OR4K13: variants seen among roughly 807,000 people sequenced by gnomAD.
OR4K13 encodes olfactory receptor 4K13.
For missense variants in OR4K13, 403 were observed against 366.0 expected, an observed-to-expected ratio of 1.10 and a Z score of -0.82; for synonymous variants, 160 against 134.8, an observed-to-expected ratio of 1.19 and a Z score of -1.30.
rs1825339587 is a variant in OR4K13 at position 20,033,688 on chromosome 14, G to T, written c.*156C>A. 1 of 538,478 alleles carries T rather than the reference G, an allele frequency of 1.9e-6. No individual in the cohort carries two copies. Among genetic ancestry groups the T allele is most frequent in the Admixed American group, 3.4e-5 (1 of 29,220 alleles). 33.4% of individuals were successfully genotyped at this position (538,478 alleles called of 1,614,324 possible). Reference sequence around the variant, plus strand: ...GTTAGCTGGTACACAAGTTATAGTGGTTTTTGCCATTACTTTAATTTTGTC... The same window carrying T: ...GTTAGCTGGTACACAAGTTATAGTGTTTTTTGCCATTACTTTAATTTTGTC... On this transcript the variant is annotated 3_prime_UTR_variant, in exon 2 of 2. Coordinates refer to ENST00000641904, the MANE Select transcript of OR4K13 (RefSeq NM_001004714.2).
rs781630955 is a variant in OR4K13 at position 20,033,044 on chromosome 14, G to C, written c.*800C>G. 6.6e-6 allele frequency: 1 copy of C among 152,174 alleles called. No homozygotes were observed. The highest frequency in any genetic ancestry group is 2.4e-5 in the African/African-American group (1 of 41,432). 9.4% of individuals were successfully genotyped at this position (152,174 alleles called of 1,614,324 possible). A position where few individuals can be genotyped will look rare whatever the true frequency, so the allele number is the denominator to read the frequency against. On this transcript the variant is annotated 3_prime_UTR_variant, in exon 2 of 2. Coordinates refer to ENST00000641904, the MANE Select transcript of OR4K13 (RefSeq NM_001004714.2). The stretch of plus-strand genomic sequence containing the variant: ...AGTGGAAACCTTCCTGCCCTGCCCT[G>C]ATTGAGATGCCATTCCTGCACTCTC...
Position 20,034,754 on chromosome 14 carries a change from T to C in OR4K13, c.5A>G (p.Glu2Gly). Residue 2 changes from glutamate (E) to glycine (G), a missense_variant, in exon 2 of 2, where the codon GAA becomes GGA. By Grantham distance (98) the Glu-to-Gly change is moderately conservative (BLOSUM62 -2). Coordinates refer to ENST00000641904, the MANE Select transcript of OR4K13 (RefSeq NM_001004714.2). ...CGATACCACTGAATGGTTTGCTCTT[T>C]CCATATCGTCAACTTTATCCCATAA... Reference protein sequence around the residue: MERANHSVVSEF... With the variant: MGRANHSVVSEF... 3.7e-6 allele frequency: 6 copies of C among 1,600,536 alleles called. No homozygotes were observed. Among genetic ancestry groups the C allele is most frequent in the Non-Finnish European group, 5.1e-6 (6 of 1,174,388 alleles).
rs374002326 is a variant in OR4K13 at position 20,030,237 on chromosome 14, A to G, written c.*3607T>C. The G allele has an allele frequency of 2.0e-5, 3 of 152,140 alleles. No homozygotes were observed. The East Asian group carries it at 5.8e-4, about 29-fold the overall frequency. The allele number at this position is 152,140 out of a possible 1,614,324, so 9.4% of individuals were successfully genotyped here. A position where few individuals can be genotyped will look rare whatever the true frequency, so the allele number is the denominator to read the frequency against. On this transcript the variant is annotated 3_prime_UTR_variant, in exon 2 of 2. Coordinates refer to ENST00000641904, the MANE Select transcript of OR4K13 (RefSeq NM_001004714.2). Reference sequence around the variant, plus strand: ...ATTATATAACTATGGGCATTTGTCAACAATCCAGCCAATTACCCTGAATTG... The same window carrying G: ...ATTATATAACTATGGGCATTTGTCAGCAATCCAGCCAATTACCCTGAATTG...
Position 20,034,956 on chromosome 14 carries a change from G to C in OR4K13, c.-198C>G. ...ATGGCCCAGAGAAGTATCCCAAATA[G>C]TCAGTAGAATTCAGAATATAAGTTT... On this transcript the variant is annotated 5_prime_UTR_variant, in exon 2 of 2. Coordinates refer to ENST00000641904, the MANE Select transcript of OR4K13 (RefSeq NM_001004714.2). 1 of 550,214 alleles carries C rather than the reference G, an allele frequency of 1.8e-6. No individual in the cohort carries two copies. Among genetic ancestry groups the C allele is most frequent in the Non-Finnish European group, 3.2e-6 (1 of 311,834 alleles). 34.1% of individuals were successfully genotyped at this position (550,214 alleles called of 1,614,324 possible).
Position 20,034,113 on chromosome 14 carries a change from C to A in OR4K13, c.646G>T (p.Val216Phe). Residue 216 changes from valine (V) to phenylalanine (F), a missense_variant, in exon 2 of 2, where the codon GTC becomes TTC. Coordinates refer to ENST00000641904, the MANE Select transcript of OR4K13 (RefSeq NM_001004714.2). Reference sequence around the variant, plus strand: ...GAGAATATTATGACTCCATAGGAGACAAGCAAGAGGAGGAAGCAGACCAGT... The same window carrying A: ...GAGAATATTATGACTCCATAGGAGAAAAGCAAGAGGAGGAAGCAGACCAGT... ...LSLVCFLLLL[V>F]SYGVIIFSVR... The A allele has an allele frequency of 2.5e-6, 4 of 1,614,050 alleles. No homozygotes were observed. The highest frequency in any genetic ancestry group is 3.4e-6 in the Non-Finnish European group (4 of 1,180,000).
Position 20,029,641 on chromosome 14 carries a change from C to T in OR4K13, c.*4203G>A, listed in dbSNP as rs1442808765. 2 of 151,998 alleles carry T rather than the reference C, an allele frequency of 1.3e-5. No homozygotes were observed. Among genetic ancestry groups the T allele is most frequent in the East Asian group, 3.9e-4 (2 of 5,182 alleles). The allele number at this position is 151,998 out of a possible 1,614,324, so 9.4% of individuals were successfully genotyped here. On this transcript the variant is annotated 3_prime_UTR_variant, in exon 2 of 2. Transcript: ENST00000641904. Reference sequence around the variant, plus strand: ...GGTAGATATTAAAATGTAATATAGGCCAGGCACAGTGGCTCACAGTGCCTG... The same window carrying T: ...GGTAGATATTAAAATGTAATATAGGTCAGGCACAGTGGCTCACAGTGCCTG...
At position 20,034,947 on chromosome 14, in the gene OR4K13, T is replaced by A; in HGVS notation, c.-189A>T. On this transcript the variant is annotated 5_prime_UTR_variant, in exon 2 of 2. Coordinates refer to ENST00000641904, the MANE Select transcript of OR4K13 (RefSeq NM_001004714.2). ...ATTTTACTAATGGCCCAGAGAAGTATCCCAAATAGTCAGTAGAATTCAGAA... is the reference window on the plus strand; with the variant it reads ...ATTTTACTAATGGCCCAGAGAAGTAACCCAAATAGTCAGTAGAATTCAGAA... 1 of 564,482 alleles carries A rather than the reference T, an allele frequency of 1.8e-6. No individual in the cohort carries two copies. The highest frequency in any genetic ancestry group is 3.3e-5 in the Admixed American group (1 of 30,314). The allele number at this position is 564,482 out of a possible 1,614,324, so 35.0% of individuals were successfully genotyped here.
Position 20,034,899 on chromosome 14 carries a change from T to G in OR4K13, c.-141A>C, listed in dbSNP as rs1237897600. 1 of 665,472 alleles carries G rather than the reference T, an allele frequency of 1.5e-6. No individual in the cohort carries two copies. The highest frequency in any genetic ancestry group is 3.1e-5 in the Admixed American group (1 of 32,626). The allele number at this position is 665,472 out of a possible 1,614,324, so 41.2% of individuals were successfully genotyped here. On this transcript the variant is annotated 5_prime_UTR_variant, in exon 2 of 2. Transcript: ENST00000641904. ...CTTGAACTTACAAGGACCCTTACTT[T>G]TGTGGAATTTTGTCAGTCAGTGATT...
At position 20,031,524 on chromosome 14, in the gene OR4K13, A is replaced by C. The variant is rs1877417949; in HGVS notation, c.*2320T>G. 1 of 152,190 alleles carries C rather than the reference A, an allele frequency of 6.6e-6. No homozygotes were observed. Among genetic ancestry groups the C allele is most frequent in the African/African-American group, 2.4e-5 (1 of 41,444 alleles). The allele number at this position is 152,190 out of a possible 1,614,324, so 9.4% of individuals were successfully genotyped here. ...CTTTCTCTGGCATAAGAAATACATA[A>C]TAGTAGTTGGTAGCTTTTTTCTTGA... On this transcript the variant is annotated 3_prime_UTR_variant, in exon 2 of 2. Coordinates refer to ENST00000641904, the MANE Select transcript of OR4K13 (RefSeq NM_001004714.2).
chr14:20,030,225 G>A lies in OR4K13; in HGVS notation c.*3619C>T, dbSNP rs765808758. The A allele has an allele frequency of 4.6e-5, 7 of 151,848 alleles. No individual in the cohort carries two copies. The highest frequency in any genetic ancestry group is 8.8e-5 in the Non-Finnish European group (6 of 67,986). The allele number at this position is 151,848 out of a possible 1,614,324, so 9.4% of individuals were successfully genotyped here. ...TGAGATTTGATAATTATATAACTATGGGCATTTGTCAACAATCCAGCCAAT... is the reference window on the plus strand; with the variant it reads ...TGAGATTTGATAATTATATAACTATAGGCATTTGTCAACAATCCAGCCAAT... On this transcript the variant is annotated 3_prime_UTR_variant, in exon 2 of 2. Transcript: ENST00000641904.
rs1877529477 is a variant in OR4K13, at chr14:20,034,834, T to C, written c.-76A>G. ...GGAAATGATGCATATTGGAAAGAAA[T>C]GTTCATGTTGATGTCCACATTTGGT... On this transcript the variant is annotated 5_prime_UTR_variant, in exon 2 of 2. Transcript: ENST00000641904. The C allele has an allele frequency of 5.7e-6, 7 of 1,220,764 alleles. No individual in the cohort carries two copies. In the South Asian group the frequency reaches 7.5e-5, roughly 13 times the overall value. 75.6% of individuals were successfully genotyped at this position (1,220,764 alleles called of 1,614,324 possible).
In OR4K13 at chr14:20,033,644, C is replaced by T. The variant is rs894004069; in HGVS notation, c.*200G>A. On this transcript the variant is annotated 3_prime_UTR_variant, in exon 2 of 2. Coordinates refer to ENST00000641904, the MANE Select transcript of OR4K13 (RefSeq NM_001004714.2). ...TTTTAACAATTACATCTACTATTTC[C>T]TCATATGGAACTTGAACTGTTAGCT... The T allele has an allele frequency of 1.4e-5, 6 of 421,494 alleles. No individual in the cohort carries two copies. Among genetic ancestry groups the T allele is most frequent in the Non-Finnish European group, 2.1e-5 (5 of 234,476 alleles). The allele number at this position is 421,494 out of a possible 1,614,324, so 26.1% of individuals were successfully genotyped here.
rs759385473 is a variant in OR4K13 at position 20,034,085 on chromosome 14, A to C, written c.674T>G (p.Val225Gly). The C allele has an allele frequency of 1.2e-6, 2 of 1,614,150 alleles. No homozygotes were observed. The highest frequency in any genetic ancestry group is 1.1e-5 in the South Asian group (1 of 91,086). The change falls in exon 2 of 2, where the codon GTT becomes GGT. Residue 225 changes from valine to glycine, a missense_variant. Val to Gly is a moderately radical substitution (Grantham distance 109). Coordinates refer to ENST00000641904, the MANE Select transcript of OR4K13 (RefSeq NM_001004714.2). ...LVSYGVIIFS[V>G]RYRAASRSSK... ...GGATCGACTAGCAGCACGGTACCTA[A>C]CTGAGAATATTATGACTCCATAGGA...
Position 20,030,227 on chromosome 14 carries a change from G to A in OR4K13, c.*3617C>T, listed in dbSNP as rs1160084410. Reference sequence around the variant, plus strand: ...AGATTTGATAATTATATAACTATGGGCATTTGTCAACAATCCAGCCAATTA... The same window carrying A: ...AGATTTGATAATTATATAACTATGGACATTTGTCAACAATCCAGCCAATTA... On this transcript the variant is annotated 3_prime_UTR_variant, in exon 2 of 2. Coordinates refer to ENST00000641904, the MANE Select transcript of OR4K13 (RefSeq NM_001004714.2). 1.3e-5 allele frequency: 2 copies of A among 151,774 alleles called. No homozygotes were observed. Among genetic ancestry groups the A allele is most frequent in the Non-Finnish European group, 2.9e-5 (2 of 67,988 alleles). The allele number at this position is 151,774 out of a possible 1,614,324, so 9.4% of individuals were successfully genotyped here.
chr14:20,034,039 G>C lies in OR4K13; in HGVS notation c.720C>G (p.Leu240=), dbSNP rs983168826. ...GAGTCACAACTGTGATGTGAGCTGA[G>C]AGAGTGGAGAAAGCCTTAGAGGATC... ...ASRSSKAFST[L]SAHITVVTLF... is the part of the protein sequence containing the mutation. Residue 240 remains leucine (L), a synonymous_variant, in exon 2 of 2, where the codon CTC becomes CTG. Coordinates refer to ENST00000641904, the MANE Select transcript of OR4K13 (RefSeq NM_001004714.2). 2 of 1,614,026 alleles carry C rather than the reference G, an allele frequency of 1.2e-6. No homozygotes were observed. Among genetic ancestry groups the C allele is most frequent in the Admixed American group, 1.7e-5 (1 of 59,984 alleles).
At position 20,034,344 on chromosome 14, in the gene OR4K13, G is replaced by A. The variant is rs763176758; in HGVS notation, c.415C>T (p.Arg139Trp). ...PLHYMTIMSP[R>W]VLTGLLLSSY... is the part of the protein sequence containing the mutation. ...GATAACAGTAGCCCAGTGAGCACCC[G>A]TGGGCTCATGATGGTCATGTAATGG... The change falls in exon 2 of 2, where the codon CGG becomes TGG. Residue 139 changes from arginine (R) to tryptophan (W), a missense_variant. Arg to Trp is a moderately radical substitution (Grantham distance 101). Transcript: ENST00000641904. The A allele has an allele frequency of 1.2e-5, 19 of 1,614,082 alleles. No individual in the cohort carries two copies. Among genetic ancestry groups the A allele is most frequent in the East Asian group, 2.2e-5 (1 of 44,874 alleles).
intron 1 of OR4K13, chr14:20,035,673 G>A (rs1297662681): frequency 6.6e-6 from 1 of 151,882 alleles, no homozygotes; most frequent in Non-Finnish European, 1.5e-5. Flanking sequence ...TTAGCTGGTT[G>A]GCCTGTGTAT....
In OR4K13 at chr14:20,034,059, A is replaced by G; in HGVS notation, c.700T>C (p.Ser234Pro). ...SVRYRAASRS[S>P]KAFSTLSAHI... Reference sequence around the variant, plus strand: ...GCTGAGAGAGTGGAGAAAGCCTTAGAGGATCGACTAGCAGCACGGTACCTA... The same window carrying G: ...GCTGAGAGAGTGGAGAAAGCCTTAGGGGATCGACTAGCAGCACGGTACCTA... The change falls in exon 2 of 2, where the codon TCT becomes CCT. Residue 234 changes from serine (S) to proline (P), a missense_variant. Coordinates refer to ENST00000641904, the MANE Select transcript of OR4K13 (RefSeq NM_001004714.2). 4 of 1,614,168 alleles carry G rather than the reference A, an allele frequency of 2.5e-6. No homozygotes were observed. Among genetic ancestry groups the G allele is most frequent in the Non-Finnish European group, 3.4e-6 (4 of 1,180,012 alleles).
Position 20,034,536 on chromosome 14 carries a change from A to T in OR4K13, c.223T>A (p.Ser75Thr), listed in dbSNP as rs1566530798. ...ACAATCATCTTAGGGGTAGCAAAAG[A>T]AGCCAGGATCATATCAATGCAGGAG... Reference protein sequence around the residue: ...NLSCIDMILASFATPKMIVDF... With the variant: ...NLSCIDMILATFATPKMIVDF... Residue 75 changes from serine (S) to threonine (T), a missense_variant, in exon 2 of 2, where the codon TCT (serine) becomes ACT (threonine). Ser to Thr is a moderately conservative substitution (Grantham distance 58). Transcript: ENST00000641904. 1.2e-6 allele frequency: 2 copies of T among 1,614,062 alleles called. No homozygotes were observed. Among genetic ancestry groups the T allele is most frequent in the South Asian group, 1.1e-5 (1 of 91,062 alleles).
Sources: allele counts gnomAD v4.1 joint callset, GRCh38; gene constraint gnomAD v4.1.1; transcripts MANE v1.5; gene names NCBI Gene and HGNC (gene_info 2026-07-23, HGNC 2026-07-21).